VAV1: variants seen among roughly 807,000 people sequenced by gnomAD.
The protein encoded by VAV1 is proto-oncogene vav.
Under a neutral mutation model 128.1 loss-of-function variants are expected in VAV1, and 33 were observed. The ratio of observed to expected loss-of-function variants is 0.26; its 90% CI spans 0.20 to 0.34. The LOEUF is 0.34. Among genes scored for constraint, VAV1 ranks in the 10% least tolerant of loss-of-function variants. The pLI is 1.00. For missense variants in VAV1, 715 were observed against 1,093.7 expected (o/e 0.65, Z 4.88); for synonymous variants, 394 against 409.8 (o/e 0.96, Z 0.47).
intron 1 of VAV1, among the ~76,000 whole-genome samples, chr19:6,790,821 G>A (rs1971002268): frequency 6.6e-6 from 1 of 152,200 alleles, no homozygotes; most frequent in Admixed American, 6.5e-5. Context: ...AAATAAAGTG[G>A]TAACTTCTGA....
intron 24 of VAV1, 100 bp downstream of exon 24, chr19:6,850,857 C>A (rs1972658500): frequency 3.4e-6 from 4 of 1,176,634 alleles, no homozygotes; most frequent in African/African-American, 1.5e-5. Context: ...TCAGGGTGAC[C>A]CCCCTCCAGT....
intron 1 of VAV1, among the ~76,000 whole-genome samples, chr19:6,819,048 G>A (rs1172512280): frequency 1.3e-5 from 2 of 152,050 alleles, no homozygotes; most frequent in African/African-American, 2.4e-5. Flanking sequence ...CCTGGGAGGT[G>A]GAGGTTGCAG....
chr19:6,848,011 A>G lies in VAV1; in HGVS notation c.2026A>G (p.Met676Val). Residue 676 changes from methionine (M) to valine (V), a missense_variant, in exon 23 of 27, where the codon ATG (methionine) becomes GTG (valine). Transcript: ENST00000602142. ...GTCTCTTTGCAGGTACGCAGGCCCCATGGAGCGGGCAGGGGCAGAGAGCAT... is the reference window on the plus strand; with the variant it reads ...GTCTCTTTGCAGGTACGCAGGCCCCGTGGAGCGGGCAGGGGCAGAGAGCAT... Reference protein sequence around the residue: ...LSVHLWYAGPMERAGAESILA... With the variant: ...LSVHLWYAGPVERAGAESILA... The G allele has an allele frequency of 1.3e-6, 2 of 1,520,410 alleles. No individual in the cohort carries two copies. The highest frequency in any genetic ancestry group is 1.8e-6 in the Non-Finnish European group (2 of 1,141,852). The allele number at this position is 1,520,410 out of a possible 1,614,324, so 94.2% of individuals were successfully genotyped here.
chr19:6,817,542 A>G (rs1479159056), intron 1 of VAV1, among the ~76,000 whole-genome samples: 1 of 152,134 alleles, frequency 6.6e-6, no homozygotes, highest in East Asian at 1.9e-4. Context: ...TGGGCATTCA[A>G]GAAACAGAAC....
chr19:6,847,377 TGGG>T (rs1972550506), intron 22 of VAV1, among the ~76,000 whole-genome samples: 3 of 152,130 alleles, frequency 2.0e-5, no homozygotes, highest in South Asian at 4.2e-4. Flanking sequence ...TGGCGTGTTC[TGGG>T]CATTTCCTAT....
chr19:6,814,668 C>T (rs1223282094), intron 1 of VAV1, among the ~76,000 whole-genome samples: 1 of 75,332 alleles, frequency 1.3e-5, no homozygotes, highest in African/African-American at 7.2e-5. Context: ...TCCTTCCTTC[C>T]TTCCTTTCTT....
intron 1 of VAV1, among the ~76,000 whole-genome samples, chr19:6,807,649 C>G (rs1185194840): frequency 6.6e-6 from 1 of 151,900 alleles, no homozygotes; most frequent in Non-Finnish European, 1.5e-5. Context: ...GAGGTGGAGG[C>G]TGCAGTGAGC....
intron 21 of VAV1, among the ~76,000 whole-genome samples, chr19:6,838,548 C>T (rs1042140811): frequency 6.6e-6 from 1 of 152,130 alleles, no homozygotes; most frequent in East Asian, 1.9e-4. Flanking sequence ...CACCGATCAT[C>T]TCTCTGCCTA....
intron 23 of VAV1, 74 bp from the exon 24 acceptor site, chr19:6,850,596 T>C: frequency 6.8e-7 from 1 of 1,470,256 alleles, no homozygotes; most frequent in Non-Finnish European, 9.5e-7. Context: ...CAAGGTTGCT[T>C]CCTCCATAAC....
chr19:6,832,563 T>TCCCCTTCTTCCTCCTCCTCC, intron 15 of VAV1, among the ~76,000 whole-genome samples: 1 of 125,728 alleles, frequency 8.0e-6, no homozygotes, highest in East Asian at 3.9e-4. Flanking sequence ...CCTCCTCTCC[T>TCCCCTTCTTCCTCCTCCTCC]TCCTCCCCTT....
Position 6,828,725 on chromosome 19 carries a change from G to A in VAV1, c.1179+17G>A. 2 of 1,614,004 alleles carry A rather than the reference G, an allele frequency of 1.2e-6. No homozygotes were observed. The highest frequency in any genetic ancestry group is 1.7e-6 in the Non-Finnish European group (2 of 1,179,968). The stretch of plus-strand genomic sequence containing the variant: ...GAGAACCTGGTGAGGCGGTGGAGCC[G>A]GGTGGGCCAGGGGTGTGGCCACGTG... On this transcript the variant is annotated intron_variant, in intron 12 of 26. Transcript: ENST00000602142. This position sits in a 1 kb window ranked among gnomAD's most constrained non-coding sequence, Gnocchi z 4.5.
intron 1 of VAV1, among the ~76,000 whole-genome samples, chr19:6,783,509 T>G (rs1203880572): frequency 7.1e-6 from 1 of 140,628 alleles, no homozygotes; most frequent in Non-Finnish European, 1.5e-5. Context: ...AGTTTTGCCC[T>G]TTTCCTCCAG....
intron 1 of VAV1, among the ~76,000 whole-genome samples, chr19:6,787,425 C>T (rs982232494): frequency 6.6e-5 from 10 of 152,094 alleles, no homozygotes; most frequent in African/African-American, 2.4e-4. Context: ...ATCTTCCCCG[C>T]CTTGGCCTCC....
At chr19:6,781,797 A>G (rs550709528) in intron 1 of VAV1, among the ~76,000 whole-genome samples, 1 of 152,100 alleles carries the variant, frequency 6.6e-6, no homozygotes, top group East Asian at 1.9e-4. Flanking sequence ...TAGTAGAGAC[A>G]GGGTTTCGCC....
chr19:6,830,631 G>C (rs539422753), intron 14 of VAV1, among the ~76,000 whole-genome samples: 66 of 151,868 alleles, frequency 4.3e-4, no homozygotes, highest in Non-Finnish European at 7.9e-4. Flanking sequence ...GTAGAGACGA[G>C]GTTTCACCAT....
chr19:6,792,977 G>T (rs551195769), intron 1 of VAV1, among the ~76,000 whole-genome samples: 12 of 152,204 alleles, frequency 7.9e-5, no homozygotes, highest in Admixed American at 3.3e-4. Context: ...CCAGTTGTGT[G>T]GGGGGTCCAG....
intron 22 of VAV1, among the ~76,000 whole-genome samples, chr19:6,844,525 C>T (rs1262235456): frequency 6.6e-6 from 1 of 152,132 alleles, no homozygotes; most frequent in Non-Finnish European, 1.5e-5. Context: ...CCGACGCTCC[C>T]ATCTTCTAAG....
At chr19:6,793,253 G>C (rs1003566786) in intron 1 of VAV1, among the ~76,000 whole-genome samples, 2 of 151,964 alleles carry the variant, frequency 1.3e-5, no homozygotes, top group African/African-American at 4.8e-5. Flanking sequence ...AGAATGGTGC[G>C]AACCTGGGAG....
In VAV1 at chr19:6,832,662, CTCCTCCTCT is replaced by C. The variant is rs779102173; in HGVS notation, c.1508+474_1508+482del. ...CCCTTTCCTCCCCTTCTTCCTCCTC[CTCCTCCTCT>C]TCCTCCTCTTCTTTCTCTTCCTCCT... On this transcript the variant is annotated intron_variant, in intron 15 of 26. Transcript: ENST00000602142. 6.1e-5 allele frequency among the ~76,000 whole-genome samples: 8 copies of C among 132,172 alleles called. No individual in the cohort carries two copies. The East Asian group carries it at 6.2e-4, about 10-fold the overall frequency. 86.7% of individuals were successfully genotyped at this position (132,172 alleles called of 152,430 possible).
Sources: gnomAD v4.1 joint callset for allele counts (sites outside exome capture counted in the v4.1 genomes callset) on GRCh38, gnomAD v4.1.1 for gene constraint, Gnocchi (gnomAD v3.1) non-coding constraint, MANE v1.5 for transcripts, NCBI Gene and HGNC (gene_info 2026-07-23, HGNC 2026-07-21) for gene names.